NHS: variants seen among roughly 807,000 people sequenced by gnomAD.
NHS encodes the protein actin remodeling regulator NHS.
A neutral mutation model predicts 72.5 loss-of-function variants in NHS; 5 were observed. The ratio of observed to expected loss-of-function variants is 0.07; its 90% confidence interval spans 0.04 to 0.14. NHS has a LOEUF of 0.14. Among genes scored for constraint, NHS ranks in the 10% least tolerant of loss-of-function variants. The probability of loss-of-function intolerance (pLI) is 1.00; values close to 1 mark genes in which losing one functional copy is unlikely to be tolerated. For missense variants in NHS, 1,072 were observed against 1,355.7 expected (o/e 0.79, Z 3.29); for synonymous variants, 464 against 547.7 (o/e 0.85, Z 2.13).
intron 1 of NHS, among the ~76,000 whole-genome samples, chrX:17,669,385 T>G (rs1332694641): frequency 8.9e-6 from 1 of 112,339 alleles, no homozygotes; most frequent in African/African-American, 3.2e-5. Flanking sequence ...GGAACGAACG[T>G]AAGCATTGGA....
At chrX:17,548,585 C>T (rs866861932) in intron 1 of NHS, among the ~76,000 whole-genome samples, 2 of 111,817 alleles carry the variant, frequency 1.8e-5, no homozygotes, top group South Asian at 3.7e-4. Flanking sequence ...CACACACACA[C>T]GCACACATTC....
intron 4 of NHS, among the ~76,000 whole-genome samples, chrX:17,720,696 A>C (rs1000797202): frequency 3.6e-5 from 4 of 112,312 alleles, no homozygotes; most frequent in African/African-American, 1.3e-4. Context: ...ATACAGCTGG[A>C]GGAAAAGTCT....
At chrX:17,614,105 G>T in intron 1 of NHS, among the ~76,000 whole-genome samples, 1 of 111,722 alleles carries the variant, frequency 9.0e-6, no homozygotes, top group African/African-American at 3.3e-5. Flanking sequence ...TTAAAGTGCT[G>T]AGCGTCCTCC....
At chrX:17,508,658 C>T (rs778144671) in intron 1 of NHS, among the ~76,000 whole-genome samples, 13 of 110,951 alleles carry the variant, frequency 1.2e-4, no homozygotes, top group Non-Finnish European at 1.5e-4. Context: ...TTTTAGTAGA[C>T]GGGGTTTCAC....
chrX:17,422,419 A>C (rs2064628723), intron 1 of NHS, among the ~76,000 whole-genome samples: 1 of 110,952 alleles, frequency 9.0e-6, no homozygotes, highest in Non-Finnish European at 1.9e-5. Context: ...CCATCAATCT[A>C]TAGGTTTTTA....
intron 1 of NHS, among the ~76,000 whole-genome samples, chrX:17,648,803 G>A (rs1487605294): frequency 1.8e-5 from 2 of 112,206 alleles, no homozygotes; most frequent in Non-Finnish European, 3.8e-5. Context: ...AGACAGACCT[G>A]TGTTCAAACT....
intron 1 of NHS, among the ~76,000 whole-genome samples, chrX:17,498,410 G>T (rs1295844736): frequency 9.0e-6 from 1 of 111,635 alleles, no homozygotes; most frequent in Non-Finnish European, 1.9e-5. Context: ...TCGCCCAAAA[G>T]TCATGGAGTA....
chrX:17,694,510 C>G (rs1389920625), intron 3 of NHS, among the ~76,000 whole-genome samples: 2 of 112,065 alleles, frequency 1.8e-5, no homozygotes, highest in Admixed American at 1.9e-4. Context: ...AGAAAGCATT[C>G]ATAATGAGAT....
At chrX:17,498,434 C>G (rs759325659) in intron 1 of NHS, among the ~76,000 whole-genome samples, 1 of 111,812 alleles carries the variant, frequency 8.9e-6, no homozygotes, top group Non-Finnish European at 1.9e-5. Flanking sequence ...ACCGTTCTCA[C>G]AAAGTATAAC....
intron 1 of NHS, chrX:17,686,840 C>T (rs1288313703): frequency 2.7e-5 from 3 of 111,500 alleles, no homozygotes; most frequent in African/African-American, 9.8e-5. Context: ...ATGCCATTCC[C>T]GAGGCTGACA....
chrX:17,685,559 T>G (rs1331638917), intron 1 of NHS, among the ~76,000 whole-genome samples: 1 of 111,436 alleles, frequency 9.0e-6, no homozygotes, highest in African/African-American at 3.3e-5. Context: ...ACAGTAGAAA[T>G]GTGTTTAGGG....
chrX:17,728,643 T>A lies in NHS; in HGVS notation c.4223-6T>A. On this transcript the variant is annotated splice_region_variant and splice_polypyrimidine_tract_variant and intron_variant, in intron 7 of 8. Transcript: ENST00000676302. The stretch of plus-strand genomic sequence containing the variant: ...CTCTTAAAGATTCTTCTGTTCTTAT[T>A]TTAAGAATCATCACCGAGTGATGAC... 1 of 1,210,700 alleles carries A rather than the reference T, an allele frequency of 8.3e-7. No homozygotes were observed. Among genetic ancestry groups the A allele is most frequent in the Non-Finnish European group, 1.1e-6 (1 of 894,859 alleles).
At position 17,545,881 on chromosome X, in the gene NHS, A is replaced by G. The variant is rs149506371; in HGVS notation, c.566-141861A>G. ...TCAGTTGGGATTCAGCCCAGAGAAG[A>G]GCAACATGCCAATTATTTTAACAGA... On this transcript the variant is annotated intron_variant, in intron 1 of 8. Transcript: ENST00000676302. Among the ~76,000 whole-genome samples the G allele has an allele frequency of 2.2e-4, 25 of 112,430 alleles. No homozygotes were observed. The East Asian group carries it at 5.6e-3, about 25-fold the overall frequency.
At chrX:17,528,469 T>G (rs2065183332) in intron 1 of NHS, 1 of 112,340 alleles carries the variant, frequency 8.9e-6, no homozygotes, top group African/African-American at 3.2e-5. Context: ...CTACTGACTC[T>G]GGAATCCTTG....
At chrX:17,509,759 T>C (rs761724533) in intron 1 of NHS, among the ~76,000 whole-genome samples, 112 of 111,806 alleles carry the variant, frequency 1.0e-3, no homozygotes, top group African/African-American at 3.5e-3. Context: ...TATGGCCTTG[T>C]TGCCTCTCCA....
rs137859264 is a variant in NHS at position 17,508,371 on chromosome X, T to G, written c.565+132049T>G. 6.3e-3 allele frequency among the ~76,000 whole-genome samples: 712 copies of G among 112,434 alleles called. 9 individuals are homozygous for G. Among genetic ancestry groups the G allele is most frequent in the African/African-American group, 0.022 (683 of 30,918 alleles). ...TTCAGTTAGCATAATGTTTTCTAGGTTCATTCACATTACAGCAGGTATTAG... is the reference window on the plus strand; with the variant it reads ...TTCAGTTAGCATAATGTTTTCTAGGGTCATTCACATTACAGCAGGTATTAG... On this transcript the variant is annotated intron_variant, in intron 1 of 8. Coordinates refer to ENST00000676302, the MANE Select transcript of NHS (RefSeq NM_001291867.2).
intron 1 of NHS, among the ~76,000 whole-genome samples, chrX:17,442,995 C>T (rs776051378): frequency 1.7e-4 from 19 of 111,798 alleles, no homozygotes; most frequent in Non-Finnish European, 3.0e-4. Context: ...ACACTGATGT[C>T]TCAGATGTAC....
At chrX:17,465,713 T>G (rs2064868138) in intron 1 of NHS, among the ~76,000 whole-genome samples, 1 of 112,109 alleles carries the variant, frequency 8.9e-6, no homozygotes, top group South Asian at 3.7e-4. Flanking sequence ...CTTTTCACTG[T>G]TTTATACTTT....
chrX:17,719,443 C>T (rs1236964010), intron 4 of NHS, 37 bp downstream of exon 4: 1 of 1,027,958 alleles, frequency 9.7e-7, no homozygotes. Context: ...CGGCCCTATC[C>T]CACTCTGTCC....
Sources: gnomAD v4.1 joint callset for allele counts (sites outside exome capture counted in the v4.1 genomes callset) on GRCh38, gnomAD v4.1.1 for gene constraint, MANE v1.5 for transcripts, NCBI Gene and HGNC (gene_info 2026-07-23, HGNC 2026-07-21) for gene names.